SLC17A2: variants seen among roughly 807,000 people sequenced by gnomAD.
The protein encoded by SLC17A2 is solute carrier family 17 member 2.
SLC17A2 carries 38 observed loss-of-function variants against 52.1 expected under a neutral mutation model. The ratio of observed to expected loss-of-function variants is 0.73; its 90% CI spans 0.56 to 0.96. The LOEUF (loss-of-function observed/expected upper bound fraction) is 0.96, where lower values mean the gene tolerates loss of function less well. Ranked by LOEUF, SLC17A2 falls within the 40% of genes least tolerant of loss-of-function variation. The probability of loss-of-function intolerance (pLI) is 0.00; values close to 1 mark genes in which losing one functional copy is unlikely to be tolerated. For missense variants in SLC17A2, 508 were observed against 583.9 expected (o/e 0.87, Z 1.34); for synonymous variants, 226 against 211.9 (o/e 1.07, Z -0.58).
At chr6:25,923,643 C>T (rs1471171100) in intron 3 of SLC17A2, 52 bp downstream of exon 3, 2 of 1,380,430 alleles carry the variant, frequency 1.4e-6, no homozygotes, top group Non-Finnish European at 2.1e-6. Context: ...TCTATGCCTT[C>T]CTTTCAAAGT....
At position 25,917,040 on chromosome 6, in the gene SLC17A2, CAT is replaced by C; in HGVS notation, c.695_696del (p.Tyr232Ter). On this transcript the variant is annotated frameshift_variant, in exon 7 of 12. Coordinates refer to ENST00000377850, the MANE Select transcript of SLC17A2 (RefSeq NM_001286123.3). LOFTEE classifies it high-confidence loss of function. ...ATGCACGGGTGATGCATGGGGTCAT[CAT>C]AAATCACTGTGAACCATAGGAGACA... ...VCCLLWFTVI[Y>X]DDPMHHPCIS... 1 of 1,614,166 alleles carries C rather than the reference CAT, an allele frequency of 6.2e-7. No homozygotes were observed.
intron 6 of SLC17A2, among the ~76,000 whole-genome samples, 162 bp from the exon 7 acceptor site, chr6:25,917,249 A>G (rs944558252): frequency 2.0e-5 from 3 of 152,228 alleles, no homozygotes; most frequent in African/African-American, 7.2e-5. Context: ...ATCCTTCTAC[A>G]AACCTGTTAA....
intron 11 of SLC17A2, among the ~76,000 whole-genome samples, chr6:25,914,058 G>A (rs1028729156): frequency 6.6e-6 from 1 of 152,140 alleles, no homozygotes; most frequent in African/African-American, 2.4e-5. Context: ...ATCCCTGCCT[G>A]GGTCTGTCTT....
At chr6:25,929,255 C>T (rs1021759454) in intron 1 of SLC17A2, among the ~76,000 whole-genome samples, 1 of 152,174 alleles carries the variant, frequency 6.6e-6, no homozygotes, top group Non-Finnish European at 1.5e-5. Context: ...GTTTCAAAAA[C>T]TCTTAGGGCT....
At position 25,930,665 on chromosome 6, in the gene SLC17A2, A is replaced by G. The variant is rs1766918474; in HGVS notation, c.-472T>C. ...TTTTTACAGGGATAAATAGTGAGCC[A>G]CGTGGCAGTCAGACGGCAACAGGTT... On this transcript the variant is annotated 5_prime_UTR_variant, in exon 1 of 12. Transcript: ENST00000377850. 1 of 152,246 alleles carries G rather than the reference A, an allele frequency of 6.6e-6. No individual in the cohort carries two copies. 9.4% of individuals were successfully genotyped at this position (152,246 alleles called of 1,614,324 possible).
chr6:25,928,839 T>TAAAAA, intron 1 of SLC17A2, among the ~76,000 whole-genome samples: 1 of 151,086 alleles, frequency 6.6e-6, no homozygotes, highest in East Asian at 1.9e-4. Flanking sequence ...GATATACCTC[T>TAAAAA]AAAAAAAAAT....
intron 1 of SLC17A2, among the ~76,000 whole-genome samples, chr6:25,928,312 T>C (rs1444027767): frequency 6.6e-6 from 1 of 152,122 alleles, no homozygotes; most frequent in Admixed American, 6.6e-5. Flanking sequence ...AAAGGAGAAT[T>C]TGTATATTTT....
intron 1 of SLC17A2, among the ~76,000 whole-genome samples, chr6:25,926,440 A>G (rs1463124114): frequency 6.6e-6 from 1 of 152,214 alleles, no homozygotes; most frequent in African/African-American, 2.4e-5. Flanking sequence ...CATGTTTGCT[A>G]CACACAATGT....
chr6:25,915,957 C>T, intron 8 of SLC17A2, 89 bp from the exon 9 acceptor site: 2 of 1,260,660 alleles, frequency 1.6e-6, no homozygotes, highest in Non-Finnish European at 1.1e-6. Flanking sequence ...TAACTTACCC[C>T]CATGATACTG....
At chr6:25,918,460 G>C (rs3752421) in intron 6 of SLC17A2, 27 bp downstream of exon 6, 1 of 1,525,358 alleles carries the variant, frequency 6.6e-7, no homozygotes, top group South Asian at 1.1e-5. Flanking sequence ...AAATGGAGGC[G>C]TTAGGATTTA....
chr6:25,918,539 C>A lies in SLC17A2; in HGVS notation c.597G>T (p.Val199=), dbSNP rs771193772. The A allele has an allele frequency of 2.5e-6, 4 of 1,613,640 alleles. No individual in the cohort carries two copies. The highest frequency in any genetic ancestry group is 1.7e-5 in the Admixed American group (1 of 59,994). The part of the protein sequence containing the change: ...SAFGSFIILC[V]GGLISQALSW... ...TCAAGGCCTGTGAGATTAGTCCCCC[C>A]ACACAGAGGATGATGAAGGATCCAA... is the stretch of plus-strand genomic sequence containing the variant. Residue 199 remains valine (V), a synonymous_variant, in exon 6 of 12, where the codon GTG becomes GTT. Transcript: ENST00000377850.
At chr6:25,929,769 T>C (rs928047866) in intron 1 of SLC17A2, among the ~76,000 whole-genome samples, 5 of 152,178 alleles carry the variant, frequency 3.3e-5, no homozygotes, top group Admixed American at 6.5e-5. Flanking sequence ...TTCAGTCTTA[T>C]TCATAACTTT....
chr6:25,928,612 C>G (rs1479815135), intron 1 of SLC17A2, among the ~76,000 whole-genome samples: 1 of 152,088 alleles, frequency 6.6e-6, no homozygotes, highest in Non-Finnish European at 1.5e-5. Context: ...TTGCATGAGA[C>G]GAATGCAGAA....
At chr6:25,916,230 G>T (rs1412392325) in intron 8 of SLC17A2, among the ~76,000 whole-genome samples, 1 of 152,120 alleles carries the variant, frequency 6.6e-6, no homozygotes, top group Non-Finnish European at 1.5e-5. Context: ...ACAGGTGCCT[G>T]CCACCACACC....
At position 25,913,352 on chromosome 6, in the gene SLC17A2, C is replaced by G; in HGVS notation, c.1402G>C (p.Asp468His). 2 of 1,614,122 alleles carry G rather than the reference C, an allele frequency of 1.2e-6. No individual in the cohort carries two copies. The highest frequency in any genetic ancestry group is 1.7e-6 in the Non-Finnish European group (2 of 1,180,000). ...YLTFGQAELQ[D>H]WAKERTLTRL is the part of the protein sequence containing the mutation. ...GTAAGGGTCCTCTCTTTGGCCCAGT[C>G]TTGAAGTTCTGCTTGTCCAAACGTG... Residue 468 changes from aspartate to histidine, a missense_variant, in exon 12 of 12, where the codon GAC (aspartate) becomes CAC (histidine). Coordinates refer to ENST00000377850, the MANE Select transcript of SLC17A2 (RefSeq NM_001286123.3).
At position 25,918,619 on chromosome 6, in the gene SLC17A2, G is replaced by T. The variant is rs753330720; in HGVS notation, c.563-46C>A. ...AACACTTATGAAAATATCAAAGGCT[G>T]AGACTTCGTGGCCTCCCTAAACAAT... On this transcript the variant is annotated intron_variant, in intron 5 of 11. Transcript: ENST00000377850. 1.7e-5 allele frequency: 22 copies of T among 1,321,054 alleles called. No individual in the cohort carries two copies. In the African/African-American group the frequency reaches 2.6e-4, roughly 16 times the overall value. 81.8% of individuals were successfully genotyped at this position (1,321,054 alleles called of 1,614,324 possible).
At chr6:25,915,988 T>A in intron 8 of SLC17A2, 120 bp from the exon 9 acceptor site, 1 of 860,260 alleles carries the variant, frequency 1.2e-6, no homozygotes. Flanking sequence ...GGGGGAAAAT[T>A]AGCATCCTTT....
In SLC17A2 at chr6:25,923,812, C is replaced by T. The variant is rs377534890; in HGVS notation, c.123G>A (p.Ala41=). 15 of 1,614,044 alleles carry T rather than the reference C, an allele frequency of 9.3e-6. 1 individual carries two copies. Among genetic ancestry groups the T allele is most frequent in the South Asian group, 6.6e-5 (6 of 91,088 alleles). ...MITQRVSLSI[A]IIAMVNTTQQ... is the part of the protein sequence containing the mutation. Reference sequence around the variant, plus strand: ...GAGTGGTGTTCACCATGGCGATGATCGCAATGCTCAGACTCACACGCTGCG... The same window carrying T: ...GAGTGGTGTTCACCATGGCGATGATTGCAATGCTCAGACTCACACGCTGCG... The change falls in exon 3 of 12, where the codon GCG becomes GCA. Residue 41 remains alanine, a synonymous_variant. Coordinates refer to ENST00000377850, the MANE Select transcript of SLC17A2 (RefSeq NM_001286123.3).
chr6:25,918,405 A>T, intron 6 of SLC17A2, 82 bp downstream of exon 6: 1 of 823,790 alleles, frequency 1.2e-6, no homozygotes, highest in Non-Finnish European at 2.1e-6. Flanking sequence ...TTTCTTTCAT[A>T]TAGGAAGAAT....
Sources: gnomAD v4.1 joint callset for allele counts (sites outside exome capture counted in the v4.1 genomes callset) on GRCh38, gnomAD v4.1.1 for gene constraint, MANE v1.5 for transcripts, NCBI Gene and HGNC (gene_info 2026-07-23, HGNC 2026-07-21) for gene names.